The following ANK3 variants were observed in gnomAD, a reference collection of about 807,000 sequenced individuals.
ANK3 encodes ankyrin 3.
A neutral mutation model predicts 370.9 loss-of-function variants in ANK3; 57 were observed. The ratio of observed to expected loss-of-function variants is 0.15; its 90% CI spans 0.12 to 0.19. ANK3 has a LOEUF of 0.19. Among genes scored for constraint, ANK3 ranks in the 10% least tolerant of loss-of-function variants. The pLI, the probability that ANK3 is intolerant of heterozygous loss-of-function variation, is 1.00. For missense variants in ANK3, 4,439 were observed against 5,302.1 expected, an observed-to-expected ratio of 0.84 and a Z score of 5.06; for synonymous variants, 1,929 against 1,946.3, an observed-to-expected ratio of 0.99 and a Z score of 0.23.
intron 1 of ANK3, among the ~76,000 whole-genome samples, chr10:60,686,083 T>A (rs1227733901): frequency 1.3e-5 from 2 of 152,128 alleles, no homozygotes; most frequent in Admixed American, 1.3e-4. Context: ...GATATCAATT[T>A]TTTCAGAAGA....
chr10:60,091,856 G>T (rs933762608), intron 28 of ANK3, among the ~76,000 whole-genome samples: 1 of 151,094 alleles, frequency 6.6e-6, no homozygotes, highest in South Asian at 2.1e-4. Flanking sequence ...TCAGCCTCCC[G>T]AGTAGCTGGG....
intron 1 of ANK3, among the ~76,000 whole-genome samples, chr10:60,333,951 A>C (rs7093702): frequency 0.71 from 107,660 of 151,932 alleles, 39,111 homozygotes; most frequent in South Asian, 0.92. Context: ...ATATTTTTTT[A>C]TTTACTTCCA....
At chr10:60,527,233 A>G (rs2133193326) in intron 2 of ANK3, among the ~76,000 whole-genome samples, 1 of 152,262 alleles carries the variant, frequency 6.6e-6, no homozygotes, top group Non-Finnish European at 1.5e-5. Flanking sequence ...CAGATCAGGT[A>G]TCTGGATTCT....
At chr10:60,622,177 A>T (rs1298014745) in intron 1 of ANK3, among the ~76,000 whole-genome samples, 1 of 152,162 alleles carries the variant, frequency 6.6e-6, no homozygotes, top group Non-Finnish European at 1.5e-5. Flanking sequence ...ATGTTTGGAA[A>T]GCCAGAAAGT....
intron 2 of ANK3, among the ~76,000 whole-genome samples, chr10:60,439,477 A>G (rs1047355152): frequency 3.9e-5 from 6 of 152,176 alleles, no homozygotes; most frequent in Non-Finnish European, 8.8e-5. Context: ...GGGCAACAAC[A>G]CAGTGAGCCC....
intron 11 of ANK3, 97 bp from the exon 12 acceptor site, chr10:60,203,197 C>A: frequency 1.3e-6 from 1 of 743,470 alleles, no homozygotes; most frequent in Non-Finnish European, 2.3e-6. Context: ...CCATCTAAAT[C>A]AGTTTAATGA....
intron 1 of ANK3, among the ~76,000 whole-genome samples, chr10:60,301,257 CAT>C (rs1491014359): frequency 6.8e-6 from 1 of 146,944 alleles, no homozygotes; most frequent in Non-Finnish European, 1.5e-5. Flanking sequence ...TACACACACA[CAT>C]GCACGCACAC....
At chr10:60,276,897 T>A (rs931042482) in intron 4 of ANK3, among the ~76,000 whole-genome samples, 1 of 152,190 alleles carries the variant, frequency 6.6e-6, no homozygotes, top group Admixed American at 6.6e-5. Context: ...TTGAAAAACA[T>A]CCGTTTAAAA....
At chr10:60,406,762 A>G (rs555497886) in intron 2 of ANK3, among the ~76,000 whole-genome samples, 1 of 152,368 alleles carries the variant, frequency 6.6e-6, no homozygotes, top group South Asian at 2.1e-4. Flanking sequence ...TGGGTTTATT[A>G]CGACAAATAA....
chr10:60,184,368 T>A (rs2096273701), intron 17 of ANK3, among the ~76,000 whole-genome samples: 1 of 152,174 alleles, frequency 6.6e-6, no homozygotes, highest in African/African-American at 2.4e-5. Context: ...CATCAGGGCA[T>A]ATTTAGTGCT....
Position 60,501,720 on chromosome 10 carries a change from A to AG in ANK3, c.96+113465_96+113466insC, listed in dbSNP as rs1319260181. Among the ~76,000 whole-genome samples, 453 of 151,672 alleles carry AG rather than the reference A, an allele frequency of 3.0e-3. 4 individuals carry two copies. Among genetic ancestry groups the AG allele is most frequent in the African/African-American group, 0.011 (439 of 41,348 alleles). On this transcript the variant is annotated intron_variant, in intron 2 of 43. Coordinates refer to the ANK3 transcript ENST00000373827. Reference sequence around the variant, plus strand: ...GACTCTGTCTCAAAAAAAAAAAAAAAAAAGAAAAGAAAAAGAAATGAAAAC... The same window carrying AG: ...GACTCTGTCTCAAAAAAAAAAAAAAAGAAAGAAAAGAAAAAGAAATGAAAAC...
At chr10:60,674,367 C>T (rs1193989083) in intron 1 of ANK3, among the ~76,000 whole-genome samples, 3 of 152,038 alleles carry the variant, frequency 2.0e-5, no homozygotes, top group East Asian at 1.9e-4. Context: ...GGTGAGGCCT[C>T]AGGAAGCTTC....
At chr10:60,192,634 G>A (rs2096509025) in intron 16 of ANK3, among the ~76,000 whole-genome samples, 1 of 152,104 alleles carries the variant, frequency 6.6e-6, no homozygotes, top group Non-Finnish European at 1.5e-5. Context: ...GAAAGCGAGA[G>A]CTAAATGTGT....
chr10:60,664,963 A>C (rs1319272751), intron 1 of ANK3, among the ~76,000 whole-genome samples: 1 of 152,228 alleles, frequency 6.6e-6, no homozygotes, highest in African/African-American at 2.4e-5. Flanking sequence ...AATCAATTAT[A>C]AATTTTTACA....
intron 36 of ANK3, among the ~76,000 whole-genome samples, chr10:60,079,174 TACACACACAC>T (rs58239281): frequency 0.035 from 3,956 of 113,812 alleles, 103 homozygotes; most frequent in African/African-American, 0.082. Context: ...GCTACCTAGC[TACACACACAC>T]ACACACACAC....
At chr10:60,138,179 T>A (rs1363915718) in intron 24 of ANK3, among the ~76,000 whole-genome samples, 8 of 152,314 alleles carry the variant, frequency 5.3e-5, no homozygotes. Flanking sequence ...ACAATGAAAC[T>A]TTCTACAACA....
chr10:60,347,336 A>G (rs1020239581), intron 1 of ANK3, among the ~76,000 whole-genome samples: 2 of 151,902 alleles, frequency 1.3e-5, no homozygotes, highest in African/African-American at 2.4e-5. Flanking sequence ...GGTTAATTTC[A>G]TCACCATGAA....
chr10:60,182,788 C>T (rs59918077), intron 17 of ANK3, among the ~76,000 whole-genome samples: 6,804 of 152,170 alleles, frequency 0.045, 512 homozygotes, highest in African/African-American at 0.15. Context: ...TTGGAGGAAG[C>T]TCACTTGAAC....
chr10:60,341,998 G>A (rs1432459466), intron 1 of ANK3, among the ~76,000 whole-genome samples: 1 of 152,172 alleles, frequency 6.6e-6, no homozygotes, highest in African/African-American at 2.4e-5. Flanking sequence ...ATGAGAGGGA[G>A]TGGGTTTGGA....
Sources: gnomAD v4.1 joint callset for allele counts (sites outside exome capture counted in the v4.1 genomes callset) on GRCh38, gnomAD v4.1.1 for gene constraint, MANE v1.5 for transcripts, NCBI Gene and HGNC (gene_info 2026-07-23, HGNC 2026-07-21) for gene names.